The following SYCP1 variants were observed in gnomAD, a reference collection of about 807,000 sequenced individuals.
The protein encoded by SYCP1 is cancer/testis antigen 8.
Under a neutral mutation model 153.1 loss-of-function variants are expected in SYCP1, and 64 were observed. The observed-to-expected ratio is 0.42, with a 90% CI of 0.34 to 0.51. The LOEUF (loss-of-function observed/expected upper bound fraction) is 0.51. Ranked by LOEUF, SYCP1 falls within the 20% of genes least tolerant of loss-of-function variation. SYCP1 has a pLI of 0.06. For missense variants in SYCP1, 997 were observed against 1,049.0 expected (o/e 0.95, Z 0.68); for synonymous variants, 384 against 341.8 (o/e 1.12, Z -1.36).
At chr1:114,882,290 C>T (rs1666007331) in intron 12 of SYCP1, among the ~76,000 whole-genome samples, 1 of 152,304 alleles carries the variant, frequency 6.6e-6, no homozygotes, top group South Asian at 2.1e-4. Context: ...CTCTTAATCT[C>T]TTTTTTCTAT....
At chr1:114,981,791 T>C (rs770071871) in intron 29 of SYCP1, among the ~76,000 whole-genome samples, 17 of 151,968 alleles carry the variant, frequency 1.1e-4, no homozygotes, top group Non-Finnish European at 1.9e-4. Flanking sequence ...CATGAAATTG[T>C]TTCATTTTTT....
chr1:114,937,620 G>A (rs1670110662), intron 23 of SYCP1, among the ~76,000 whole-genome samples: 1 of 152,068 alleles, frequency 6.6e-6, no homozygotes, highest in African/African-American at 2.4e-5. Flanking sequence ...CCTACAGAAT[G>A]GGAGAAAATT....
At chr1:114,905,383 C>T (rs971722387) in intron 16 of SYCP1, among the ~76,000 whole-genome samples, 6 of 152,154 alleles carry the variant, frequency 3.9e-5, no homozygotes, top group African/African-American at 7.2e-5. Context: ...ATCCCTGCAT[C>T]GTTAACCCCC....
At chr1:114,912,310 A>G (rs1668232808) in intron 18 of SYCP1, among the ~76,000 whole-genome samples, 1 of 151,864 alleles carries the variant, frequency 6.6e-6, no homozygotes, top group Non-Finnish European at 1.5e-5. Flanking sequence ...TCCTTAGTAT[A>G]TTTGCTTTTC....
chr1:114,988,824 C>T (rs916455883), intron 30 of SYCP1, among the ~76,000 whole-genome samples: 5 of 151,946 alleles, frequency 3.3e-5, no homozygotes, highest in African/African-American at 9.7e-5. Context: ...AAGACAAATG[C>T]ATATAAATGG....
chr1:114,903,058 A>G (rs530747429), intron 16 of SYCP1, among the ~76,000 whole-genome samples: 108 of 152,244 alleles, frequency 7.1e-4, no homozygotes, highest in African/African-American at 2.4e-3. Context: ...CAGTGTGACT[A>G]TAATCCCAGC....
At chr1:114,911,373 C>G in intron 17 of SYCP1, 106 bp from the exon 18 acceptor site, 1 of 606,374 alleles carries the variant, frequency 1.6e-6, no homozygotes, top group Non-Finnish European at 2.7e-6. Context: ...TTGACATAAC[C>G]TGCCAAATTT....
chr1:114,934,458 C>G (rs1474764292), intron 23 of SYCP1, among the ~76,000 whole-genome samples: 2 of 152,050 alleles, frequency 1.3e-5, no homozygotes, highest in East Asian at 1.9e-4. Flanking sequence ...CAAAAACATG[C>G]CAAATTATAA....
At chr1:114,993,197 C>T (rs1674042338) in intron 30 of SYCP1, among the ~76,000 whole-genome samples, 1 of 151,446 alleles carries the variant, frequency 6.6e-6, no homozygotes, top group South Asian at 2.1e-4. Context: ...GATAATTTAT[C>T]TTGTTTAAGC....
At chr1:114,907,955 G>A (rs1193548656) in intron 16 of SYCP1, among the ~76,000 whole-genome samples, 2 of 151,984 alleles carry the variant, frequency 1.3e-5, no homozygotes, top group African/African-American at 4.8e-5. Flanking sequence ...GTAGTCATAT[G>A]TTTTTTAAAT....
rs1270775962 is a variant in SYCP1, at chr1:114,981,500, A to T, written c.2547A>T (p.Thr849=). The T allele has an allele frequency of 2.5e-6, 4 of 1,587,652 alleles. 1 individual carries two copies. In the South Asian group the frequency reaches 4.8e-5, roughly 19 times the overall value. ...CATCTGCCAAAAATACTTTATCTACACCATTGCCAAAGGTTTGTGTCTAAA... is the reference window on the plus strand; with the variant it reads ...CATCTGCCAAAAATACTTTATCTACTCCATTGCCAAAGGTTTGTGTCTAAA... ...LWTSAKNTLS[T]PLPKAYTVKT... The change falls in exon 29 of 32, where the codon ACA becomes ACT. Residue 849 remains threonine, a synonymous_variant. Transcript: ENST00000369522.
intron 27 of SYCP1, among the ~76,000 whole-genome samples, chr1:114,972,959 A>T (rs1570895321): frequency 6.6e-6 from 1 of 152,190 alleles, no homozygotes; most frequent in Middle Eastern, 3.4e-3. Context: ...TTTTCTTGTT[A>T]TGTATTTCCC....
chr1:114,864,732 C>G (rs1173933622), intron 8 of SYCP1, among the ~76,000 whole-genome samples: 1 of 152,166 alleles, frequency 6.6e-6, no homozygotes, highest in Non-Finnish European at 1.5e-5. Flanking sequence ...AAGTGATCTT[C>G]CCACCTTGGC....
At chr1:114,966,787 C>T (rs1036658962) in intron 27 of SYCP1, among the ~76,000 whole-genome samples, 26 of 151,622 alleles carry the variant, frequency 1.7e-4, no homozygotes, top group East Asian at 7.8e-4. Context: ...TGGGTTCAAG[C>T]GATTCTCCTG....
intron 15 of SYCP1, among the ~76,000 whole-genome samples, chr1:114,890,119 G>GT (rs543440781): frequency 5.1e-4 from 77 of 152,072 alleles, no homozygotes; most frequent in African/African-American, 1.6e-3. Flanking sequence ...AACCATGTGT[G>GT]TTTTTTAGCA....
intron 27 of SYCP1, among the ~76,000 whole-genome samples, chr1:114,952,998 G>T (rs1048367788): frequency 6.6e-6 from 1 of 152,162 alleles, no homozygotes; most frequent in Non-Finnish European, 1.5e-5. Flanking sequence ...AGGGCCTTTT[G>T]TGGCATCCTC....
intron 23 of SYCP1, among the ~76,000 whole-genome samples, chr1:114,937,323 T>G (rs1282594338): frequency 5.3e-5 from 8 of 152,006 alleles, no homozygotes; most frequent in East Asian, 3.9e-4. Context: ...AAATGGTGCT[T>G]GGAAAACTGG....
At chr1:114,938,792 C>T (rs755516996) in intron 23 of SYCP1, among the ~76,000 whole-genome samples, 9 of 151,876 alleles carry the variant, frequency 5.9e-5, no homozygotes, top group Admixed American at 2.0e-4. Context: ...ACACAAATGG[C>T]CAATAAGCAC....
intron 3 of SYCP1, among the ~76,000 whole-genome samples, 175 bp downstream of exon 3, chr1:114,856,832 G>T (rs1663978241): frequency 6.8e-6 from 1 of 146,442 alleles, no homozygotes; most frequent in African/African-American, 2.5e-5. Flanking sequence ...TGTAATTCCA[G>T]CACTGTGGGA....
Sources: allele counts gnomAD v4.1 joint callset (sites outside exome capture counted in the v4.1 genomes callset), GRCh38; gene constraint gnomAD v4.1.1; transcripts MANE v1.5; gene names NCBI Gene and HGNC (gene_info 2026-07-23, HGNC 2026-07-21).